The following CTTNBP2NL variants were observed in gnomAD, a reference collection of about 807,000 sequenced individuals.
CTTNBP2NL encodes the protein CTTNBP2 N-terminal-like protein.
In CTTNBP2NL, 16 loss-of-function variants were observed where a neutral mutation model predicts 32.5. That is an observed-to-expected ratio of 0.49 (90% CI 0.33 to 0.75). The LOEUF (loss-of-function observed/expected upper bound fraction) is 0.75. Ranked by LOEUF, CTTNBP2NL falls within the 30% of genes least tolerant of loss-of-function variation. The pLI is 0.02. For missense variants in CTTNBP2NL, 645 were observed against 756.0 expected, an observed-to-expected ratio of 0.85 and a Z score of 1.72; for synonymous variants, 298 against 289.4, an observed-to-expected ratio of 1.03 and a Z score of -0.30.
intron 1 of CTTNBP2NL, among the ~76,000 whole-genome samples, chr1:112,398,251 T>A (rs1648389306): frequency 6.6e-6 from 1 of 152,188 alleles, no homozygotes; most frequent in Non-Finnish European, 1.5e-5. Flanking sequence ...GTAAGCAAGA[T>A]CTGTTTGTTA....
At chr1:112,416,090 T>A in intron 2 of CTTNBP2NL, 67 bp from the exon 3 acceptor site, 2 of 844,984 alleles carry the variant, frequency 2.4e-6, no homozygotes, top group Non-Finnish European at 3.9e-6. Context: ...TCTCACTTTA[T>A]TTTTTCTTTA....
At chr1:112,428,240 T>TA (rs753154069) in intron 3 of CTTNBP2NL, among the ~76,000 whole-genome samples, 4 of 152,188 alleles carry the variant, frequency 2.6e-5, no homozygotes, top group South Asian at 4.1e-4. Context: ...CTTTATATCT[T>TA]AGTTACTTTT....
Position 112,457,049 on chromosome 1 carries a change from C to G in CTTNBP2NL, c.1557C>G (p.Ile519Met). ...LSRFTSQQGPIKPVSPNSSPF... is the reference protein window; with the variant it reads ...LSRFTSQQGPMKPVSPNSSPF... ...GATTCACTAGCCAACAAGGGCCAAT[C>G]AAGCCAGTCTCTCCCAACAGCTCTC... is the stretch of plus-strand genomic sequence containing the variant. Residue 519 changes from isoleucine to methionine, a missense_variant, in exon 6 of 6, where the codon ATC (isoleucine) becomes ATG (methionine). Ile to Met is a conservative substitution (Grantham distance 10). Transcript: ENST00000271277. 6.2e-7 allele frequency: 1 copy of G among 1,611,536 alleles called. No individual in the cohort carries two copies. Among genetic ancestry groups the G allele is most frequent in the Non-Finnish European group, 8.5e-7 (1 of 1,179,338 alleles).
intron 3 of CTTNBP2NL, among the ~76,000 whole-genome samples, chr1:112,447,990 A>G (rs975168448): frequency 6.6e-6 from 1 of 152,222 alleles, no homozygotes; most frequent in Non-Finnish European, 1.5e-5. Context: ...TATGATGCTC[A>G]TGTGGAGTTC....
In CTTNBP2NL at chr1:112,460,986, C is replaced by T. The variant is rs1199957679; in HGVS notation, c.*3574C>T. The stretch of plus-strand genomic sequence containing the variant: ...GGAACTTCAACTGTCTTTCAAAACA[C>T]TGGCTTCAAAATAGGATGTGTTTTC... On this transcript the variant is annotated 3_prime_UTR_variant, in exon 6 of 6. Coordinates refer to ENST00000271277, the MANE Select transcript of CTTNBP2NL (RefSeq NM_018704.3). 1 of 152,148 alleles carries T rather than the reference C, an allele frequency of 6.6e-6. No individual in the cohort carries two copies. The highest frequency in any genetic ancestry group is 1.5e-5 in the Non-Finnish European group (1 of 68,034). The allele number at this position is 152,148 out of a possible 1,614,324, so 9.4% of individuals were successfully genotyped here.
At chr1:112,438,314 T>C (rs1457868717) in intron 3 of CTTNBP2NL, among the ~76,000 whole-genome samples, 1 of 152,206 alleles carries the variant, frequency 6.6e-6, no homozygotes, top group African/African-American at 2.4e-5. Flanking sequence ...CGACTGTGAA[T>C]GGGATTGCGT....
At chr1:112,430,049 G>A (rs1649513910) in intron 3 of CTTNBP2NL, among the ~76,000 whole-genome samples, 1 of 152,124 alleles carries the variant, frequency 6.6e-6, no homozygotes. Flanking sequence ...CTATTCATAT[G>A]TGTTAGTTGT....
At chr1:112,392,154 A>G (rs980277226), upstream of CTTNBP2NL, among the ~76,000 whole-genome samples, 2 of 152,214 alleles carry the variant, frequency 1.3e-5, no homozygotes, top group African/African-American at 4.8e-5. Flanking sequence ...ATGATAGAGC[A>G]TAGTAATTTT....
chr1:112,432,784 C>G (rs1038393239), intron 3 of CTTNBP2NL, among the ~76,000 whole-genome samples: 1 of 151,496 alleles, frequency 6.6e-6, no homozygotes, highest in East Asian at 1.9e-4. Flanking sequence ...CTCAATCTTG[C>G]CATCCTTCTA....
chr1:112,448,903 T>A (rs1448564758), intron 3 of CTTNBP2NL, 39 bp from the exon 4 acceptor site: 1 of 1,262,002 alleles, frequency 7.9e-7, no homozygotes, highest in African/African-American at 1.5e-5. Flanking sequence ...CTCAGTAGTT[T>A]TAAAAAGCAA....
At position 112,456,006 on chromosome 1, in the gene CTTNBP2NL, C is replaced by T. The variant is rs757311485; in HGVS notation, c.514C>T (p.Arg172Cys). 5 of 1,613,644 alleles carry T rather than the reference C, an allele frequency of 3.1e-6. No individual in the cohort carries two copies. Among genetic ancestry groups the T allele is most frequent in the East Asian group, 2.2e-5 (1 of 44,864 alleles). ...KKLSSQLEEERSRHKQLSSML... is the reference protein window; with the variant it reads ...KKLSSQLEEECSRHKQLSSML... ...GCTCTCTAGTCAGCTGGAAGAGGAG[C>T]GCTCCCGCCACAAGCAGCTCTCATC... The change falls in exon 6 of 6, where the codon CGC becomes TGC. Residue 172 changes from arginine (R) to cysteine (C), a missense_variant. Transcript: ENST00000271277.
rs778733259 is a variant in CTTNBP2NL, at chr1:112,454,480, G to A, written c.362G>A (p.Arg121Gln). 2.0e-5 allele frequency: 32 copies of A among 1,613,826 alleles called. No individual in the cohort carries two copies. The highest frequency in any genetic ancestry group is 1.3e-4 in the South Asian group (12 of 91,060). Residue 121 changes from arginine (R) to glutamine (Q), a missense_variant, in exon 5 of 6, where the codon CGG becomes CAG. Arg to Gln is a conservative substitution (Grantham distance 43). Coordinates refer to ENST00000271277, the MANE Select transcript of CTTNBP2NL (RefSeq NM_018704.3). ...VILDLEEERQ[R>Q]HAQDTAEGDD... is the part of the protein sequence containing the mutation. The stretch of plus-strand genomic sequence containing the variant: ...CTAGACCTTGAGGAAGAAAGGCAGC[G>A]GCATGCACAGGATACGGCTGAAGGA...
At chr1:112,414,147 C>G (rs1490579047) in intron 2 of CTTNBP2NL, among the ~76,000 whole-genome samples, 1 of 152,154 alleles carries the variant, frequency 6.6e-6, no homozygotes, top group South Asian at 2.1e-4. Context: ...GGGCGGATCA[C>G]CTGAGGTCAG....
rs74110073 is a variant in CTTNBP2NL, at chr1:112,396,740, C to A, written c.-134+468C>A. Among the ~76,000 whole-genome samples the A allele has an allele frequency of 3.8e-3, 574 of 152,232 alleles. 4 individuals carry two copies. Among genetic ancestry groups the A allele is most frequent in the African/African-American group, 0.013 (539 of 41,534 alleles). On this transcript the variant is annotated intron_variant, in intron 1 of 5. Transcript: ENST00000271277. Reference sequence around the variant, plus strand: ...TGTTTCCCAAAAAGGAGGGATGGGGCGAAGCAAAAATCAAAGACCGACCTA... The same window carrying A: ...TGTTTCCCAAAAAGGAGGGATGGGGAGAAGCAAAAATCAAAGACCGACCTA...
chr1:112,453,176 A>G (rs1650273229), intron 4 of CTTNBP2NL, among the ~76,000 whole-genome samples: 1 of 151,812 alleles, frequency 6.6e-6, no homozygotes, highest in African/African-American at 2.4e-5. Context: ...GCTGGTCTCA[A>G]ACTCCTGTGC....
chr1:112,442,650 GA>G (rs1649928994), intron 3 of CTTNBP2NL, among the ~76,000 whole-genome samples: 1 of 151,410 alleles, frequency 6.6e-6, no homozygotes, highest in African/African-American at 2.4e-5. Flanking sequence ...CAGGACTCTG[GA>G]ATTTGAATGT....
chr1:112,415,921 A>T (rs910004345), intron 2 of CTTNBP2NL: 14 of 405,844 alleles, frequency 3.4e-5, no homozygotes, highest in Non-Finnish European at 6.1e-5. Context: ...AGGAAATATG[A>T]TGAAAAATTG....
At chr1:112,441,669 TGTGA>T (rs1469834432) in intron 3 of CTTNBP2NL, among the ~76,000 whole-genome samples, 6 of 152,252 alleles carry the variant, frequency 3.9e-5, no homozygotes, top group Non-Finnish European at 8.8e-5. Context: ...ACTAGCAATG[TGTGA>T]GTGTTCTACT....
rs1649480171 is a variant in CTTNBP2NL at position 112,428,893 on chromosome 1, T to C, written c.99+12629T>C. Among the ~76,000 whole-genome samples the C allele has an allele frequency of 2.0e-5, 3 of 152,212 alleles. No individual in the cohort carries two copies. In the South Asian group the frequency reaches 6.2e-4, roughly 31 times the overall value. The stretch of plus-strand genomic sequence containing the variant: ...AGTCTAAAGCACTTCCTTTAATTTC[T>C]TAATTTGTTTTATAGTGGCAAGATT... On this transcript the variant is annotated intron_variant, in intron 3 of 5. Coordinates refer to ENST00000271277, the MANE Select transcript of CTTNBP2NL (RefSeq NM_018704.3).
Sources: gnomAD v4.1 joint callset for allele counts (sites outside exome capture counted in the v4.1 genomes callset) on GRCh38, gnomAD v4.1.1 for gene constraint, MANE v1.5 for transcripts, NCBI Gene and HGNC (gene_info 2026-07-23, HGNC 2026-07-21) for gene names.